SLC14A2: variants seen among roughly 807,000 people sequenced by gnomAD.
SLC14A2 encodes the protein solute carrier family 14 member 2.
SLC14A2 carries 91 observed loss-of-function variants against 104.6 expected under a neutral mutation model. The observed-to-expected ratio is 0.87, with a 90% confidence interval of 0.73 to 1.04. The LOEUF (loss-of-function observed/expected upper bound fraction) is 1.04. SLC14A2 is among the 50% of genes least tolerant of loss of function. The pLI, the probability that SLC14A2 is intolerant of heterozygous loss-of-function variation, is 0.00. For synonymous variants in SLC14A2, 476 were observed against 466.4 expected (o/e 1.02, Z -0.27); for missense variants, 1,189 against 1,156.0 (o/e 1.03, Z -0.41).
At chr18:45,570,304 T>C (rs188572402) in intron 2 of SLC14A2, among the ~76,000 whole-genome samples, 51 of 152,004 alleles carry the variant, frequency 3.4e-4, no homozygotes, top group Non-Finnish European at 6.9e-4. Flanking sequence ...AGACCCAGGC[T>C]CCAGACTCCC....
chr18:45,610,480 T>A (rs1259887487), upstream of SLC14A2, among the ~76,000 whole-genome samples: 1 of 152,150 alleles, frequency 6.6e-6, no homozygotes, highest in Non-Finnish European at 1.5e-5. Context: ...AGTCCCTAGA[T>A]AAAGATGACT....
intron 1 of SLC14A2, among the ~76,000 whole-genome samples, chr18:45,408,732 A>G (rs761409948): frequency 1.3e-5 from 2 of 152,132 alleles, no homozygotes; most frequent in Non-Finnish European, 2.9e-5. Context: ...TGAAAATTCA[A>G]AATTGTTGAA....
At chr18:45,560,520 G>A (rs978174852) in intron 2 of SLC14A2, among the ~76,000 whole-genome samples, 4 of 152,140 alleles carry the variant, frequency 2.6e-5, no homozygotes, top group Admixed American at 2.0e-4. Flanking sequence ...TGAGGAATAG[G>A]AAGTTGATTC....
At chr18:45,238,951 A>G (rs2084283800) in intron 1 of SLC14A2, among the ~76,000 whole-genome samples, 1 of 152,240 alleles carries the variant, frequency 6.6e-6, no homozygotes, top group Non-Finnish European at 1.5e-5. Flanking sequence ...CATTAACTAC[A>G]CTATCAGAAA....
In SLC14A2 at chr18:45,238,310, A is replaced by G. The variant is rs2084276695; in HGVS notation, c.-125+25119A>G. 2.0e-5 allele frequency among the ~76,000 whole-genome samples: 3 copies of G among 152,340 alleles called. No individual in the cohort carries two copies. In the South Asian group the frequency reaches 6.2e-4, roughly 32 times the overall value. ...GTGAAGGAAGGTGAATACAAGACTA[A>G]TAAGACACAAAATGAAAGGGCAGAC... On this transcript the variant is annotated intron_variant, in intron 1 of 20. Coordinates refer to the SLC14A2 transcript ENST00000586448.
chr18:45,613,220 G>T (rs988076092), upstream of SLC14A2, among the ~76,000 whole-genome samples: 5 of 152,226 alleles, frequency 3.3e-5, no homozygotes, highest in East Asian at 9.7e-4. Flanking sequence ...ATTTTTAGTA[G>T]AGATGGGGTT....
At chr18:45,626,715 G>A (rs1187056033) in intron 3 of SLC14A2, among the ~76,000 whole-genome samples, 1 of 151,962 alleles carries the variant, frequency 6.6e-6, no homozygotes, top group African/African-American at 2.4e-5. Context: ...TCTCAGCATG[G>A]TGCCTCTGTC....
intron 2 of SLC14A2, among the ~76,000 whole-genome samples, chr18:45,570,382 A>G (rs1049594878): frequency 1.3e-5 from 2 of 152,166 alleles, no homozygotes; most frequent in Admixed American, 6.5e-5. Flanking sequence ...TTTAGCCCAG[A>G]TGGTAGATCT....
At chr18:45,607,648 T>C (rs1450553516) in intron 2 of SLC14A2, among the ~76,000 whole-genome samples, 2 of 152,176 alleles carry the variant, frequency 1.3e-5, no homozygotes, top group African/African-American at 4.8e-5. Context: ...TGCCCAAACT[T>C]AGCAACATAA....
chr18:45,385,760 C>A (rs2085888728), intron 1 of SLC14A2, among the ~76,000 whole-genome samples: 1 of 152,074 alleles, frequency 6.6e-6, no homozygotes, highest in South Asian at 2.1e-4. Flanking sequence ...ACTTGAAAAC[C>A]TTCAAAGTAC....
At chr18:45,539,247 G>A (rs957590657) in intron 2 of SLC14A2, among the ~76,000 whole-genome samples, 2 of 152,078 alleles carry the variant, frequency 1.3e-5, no homozygotes, top group Non-Finnish European at 2.9e-5. Flanking sequence ...AGAAAGTTGG[G>A]CAAGAATAAA....
intron 1 of SLC14A2, among the ~76,000 whole-genome samples, chr18:45,405,462 A>AT (rs2086143578): frequency 6.6e-6 from 1 of 152,222 alleles, no homozygotes; most frequent in South Asian, 2.1e-4. Flanking sequence ...TGAGTATCAC[A>AT]TTAAAGCAAG....
At chr18:45,268,964 T>TTGTGTGTGTGTG (rs3050837) in intron 1 of SLC14A2, among the ~76,000 whole-genome samples, 18,428 of 143,410 alleles carry the variant, frequency 0.13, 1,807 homozygotes, top group African/African-American at 0.3. Context: ...GTTGGTGTGT[T>TTGTGTGTGTGTG]TGTGTGTGTG....
At chr18:45,211,965 T>C (rs1271456360), upstream of SLC14A2, among the ~76,000 whole-genome samples, 1 of 152,202 alleles carries the variant, frequency 6.6e-6, no homozygotes, top group African/African-American at 2.4e-5. Flanking sequence ...AATGGCTTCA[T>C]TTAGGTATAC....
chr18:45,473,669 G>A (rs779399684), intron 1 of SLC14A2, among the ~76,000 whole-genome samples: 6 of 152,078 alleles, frequency 3.9e-5, no homozygotes, highest in Admixed American at 1.3e-4. Flanking sequence ...TCATGATTTG[G>A]CTCTTTGTTT....
At chr18:45,474,844 AT>A (rs1157753831) in intron 1 of SLC14A2, among the ~76,000 whole-genome samples, 1 of 152,002 alleles carries the variant, frequency 6.6e-6, no homozygotes, top group African/African-American at 2.4e-5. Context: ...GGATTCATTA[AT>A]TTTTTGAAGG....
At chr18:45,466,836 T>A (rs1407302125) in intron 1 of SLC14A2, among the ~76,000 whole-genome samples, 3 of 152,112 alleles carry the variant, frequency 2.0e-5, no homozygotes, top group Non-Finnish European at 4.4e-5. Context: ...CATTCACTGA[T>A]TCCTCCATTC....
At chr18:45,671,842 T>G (rs1277066197) in intron 16 of SLC14A2, among the ~76,000 whole-genome samples, 1 of 151,988 alleles carries the variant, frequency 6.6e-6, no homozygotes, top group Non-Finnish European at 1.5e-5. Flanking sequence ...CTCCTCAGCT[T>G]CCTGCCCATG....
intron 2 of SLC14A2, among the ~76,000 whole-genome samples, chr18:45,550,919 G>A (rs188369575): frequency 2.6e-5 from 4 of 152,312 alleles, no homozygotes; most frequent in Admixed American, 6.5e-5. Flanking sequence ...TAAGAGCTAC[G>A]GAACTGACTT....
Sources: gnomAD v4.1 joint callset for allele counts (sites outside exome capture counted in the v4.1 genomes callset) on GRCh38, gnomAD v4.1.1 for gene constraint, MANE v1.5 for transcripts, NCBI Gene and HGNC (gene_info 2026-07-23, HGNC 2026-07-21) for gene names.